Variants in TPST1 observed in about 807,000 individuals in gnomAD.
The protein encoded by TPST1 is protein-tyrosine sulfotransferase 1.
Under a neutral mutation model 34.8 loss-of-function variants are expected in TPST1, and 20 were observed. The observed-to-expected ratio is 0.57, with a 90% CI of 0.40 to 0.84. The LOEUF (loss-of-function observed/expected upper bound fraction) is 0.84. Among genes scored for constraint, TPST1 ranks in the 40% least tolerant of loss-of-function variants. TPST1 has a pLI of 0.00. For synonymous variants in TPST1, 152 were observed against 159.4 expected (o/e 0.95, Z 0.35); for missense variants, 353 against 455.5 (o/e 0.78, Z 2.05).
At chr7:66,318,710 C>T (rs555439239) in intron 3 of TPST1, among the ~76,000 whole-genome samples, 4 of 152,208 alleles carry the variant, frequency 2.6e-5, no homozygotes, top group Middle Eastern at 3.4e-3. Context: ...TGTGACTCGC[C>T]GCCTTGGCCT....
chr7:66,307,712 GGTCAGCCTTGACAGGTGGAAGCCTGT>G (rs1351379001), intron 3 of TPST1, among the ~76,000 whole-genome samples: 8 of 152,232 alleles, frequency 5.3e-5, no homozygotes, highest in African/African-American at 1.9e-4. Flanking sequence ...ATTGTTGCCA[GGTCAGCCTTGACAGGTGGAAGCCTGT>G]GTCACTGAGC....
At chr7:66,202,673 CAGAA>C (rs1789045229), upstream of TPST1, among the ~76,000 whole-genome samples, 1 of 152,152 alleles carries the variant, frequency 6.6e-6, no homozygotes, top group African/African-American at 2.4e-5. Flanking sequence ...ATGTAGAAAG[CAGAA>C]TGTAACTTGG....
At chr7:66,247,343 A>G (rs765142807) in intron 2 of TPST1, among the ~76,000 whole-genome samples, 1 of 152,106 alleles carries the variant, frequency 6.6e-6, no homozygotes, top group African/African-American at 2.4e-5. Flanking sequence ...CAGGAGAATC[A>G]CTTGAACCTG....
At chr7:66,331,416 A>G (rs893876791) in intron 3 of TPST1, among the ~76,000 whole-genome samples, 10 of 152,152 alleles carry the variant, frequency 6.6e-5, no homozygotes, top group Non-Finnish European at 1.5e-4. Context: ...GATTTTTCCT[A>G]TAACTTGTAA....
At chr7:66,203,489 T>C (rs1278090372), upstream of TPST1, among the ~76,000 whole-genome samples, 4 of 149,852 alleles carry the variant, frequency 2.7e-5, no homozygotes, top group Admixed American at 2.0e-4. Flanking sequence ...AAAACTTCTT[T>C]TTTTTTTTTT....
At chr7:66,308,850 C>T (rs999186575) in intron 3 of TPST1, among the ~76,000 whole-genome samples, 4 of 152,146 alleles carry the variant, frequency 2.6e-5, no homozygotes, top group Admixed American at 1.3e-4. Context: ...GTGAACAGAT[C>T]AGTCATACGT....
At chr7:66,227,983 A>G (rs1370007340) in intron 1 of TPST1, among the ~76,000 whole-genome samples, 1 of 152,232 alleles carries the variant, frequency 6.6e-6, no homozygotes, top group East Asian at 1.9e-4. Context: ...AAATGCTGGT[A>G]AATCCTTTCA....
chr7:66,284,174 T>A (rs1790985646), intron 2 of TPST1, among the ~76,000 whole-genome samples: 2 of 152,184 alleles, frequency 1.3e-5, no homozygotes, highest in Admixed American at 6.5e-5. Flanking sequence ...AAGAAATGAT[T>A]ATACTTTTTC....
chr7:66,223,458 C>CAAAAA (rs34400889), intron 1 of TPST1, among the ~76,000 whole-genome samples: 1 of 59,236 alleles, frequency 1.7e-5, no homozygotes, highest in Non-Finnish European at 3.1e-5. Context: ...GACCCTGTCT[C>CAAAAA]AAAAAAAAAA....
At chr7:66,199,474 T>C in the TPST1 span, among the ~76,000 whole-genome samples, 1 of 151,848 alleles carries the variant, frequency 6.6e-6, no homozygotes, top group Non-Finnish European at 1.5e-5. Flanking sequence ...TTTGTATTTT[T>C]AGTAGAGATG....
chr7:66,236,637 C>T (rs778115715), intron 1 of TPST1, among the ~76,000 whole-genome samples: 1 of 152,124 alleles, frequency 6.6e-6, no homozygotes, highest in Non-Finnish European at 1.5e-5. Context: ...GTATCTCAAC[C>T]ACCTTGGGCA....
chr7:66,352,692 G>T, intron 4 of TPST1, 137 bp downstream of exon 4: 1 of 1,495,278 alleles, frequency 6.7e-7, no homozygotes, highest in Non-Finnish European at 8.8e-7. Flanking sequence ...ATAGTGATAT[G>T]TGCTGGGGAA....
chr7:66,261,164 C>T (rs551710186), intron 2 of TPST1, among the ~76,000 whole-genome samples: 6 of 150,562 alleles, frequency 4.0e-5, no homozygotes, highest in East Asian at 1.9e-4. Flanking sequence ...CCCCATTTCT[C>T]GGGAAACAGT....
In TPST1 at chr7:66,332,874, G is replaced by C. The variant is rs1792024680; in HGVS notation, c.1045-19631G>C. Among the ~76,000 whole-genome samples, 1 of 152,100 alleles carries C rather than the reference G, an allele frequency of 6.6e-6. No individual in the cohort carries two copies. Among genetic ancestry groups the C allele is most frequent in the Admixed American group, 6.6e-5 (1 of 15,262 alleles). ...TTATATAAGGCACTTGAGCACCTGTGGATTTTGTTATTCACAGGGGATCCT... is the reference window on the plus strand; with the variant it reads ...TTATATAAGGCACTTGAGCACCTGTCGATTTTGTTATTCACAGGGGATCCT... On this transcript the variant is annotated intron_variant, in intron 3 of 5. Transcript: ENST00000304842. This position sits in a 1 kb window ranked among gnomAD's most constrained non-coding sequence, Gnocchi z 4.5.
At chr7:66,275,031 A>G (rs545313992) in intron 2 of TPST1, among the ~76,000 whole-genome samples, 17 of 151,984 alleles carry the variant, frequency 1.1e-4, no homozygotes, top group African/African-American at 3.9e-4. Context: ...CATCTCTACT[A>G]AAAATACAAA....
intron 3 of TPST1, among the ~76,000 whole-genome samples, chr7:66,329,298 T>TA (rs1791948947): frequency 6.6e-6 from 1 of 152,102 alleles, no homozygotes; most frequent in Non-Finnish European, 1.5e-5. Flanking sequence ...TCTTCCTGAT[T>TA]TTTTCCAATT....
intron 3 of TPST1, among the ~76,000 whole-genome samples, chr7:66,300,986 A>G (rs1791304358): frequency 2.0e-5 from 3 of 152,070 alleles, no homozygotes; most frequent in Admixed American, 2.0e-4. Context: ...GACAGTAGAA[A>G]TTACTCCTTG....
chr7:66,338,526 C>T (rs1289610192), intron 3 of TPST1, among the ~76,000 whole-genome samples: 1 of 152,152 alleles, frequency 6.6e-6, no homozygotes, highest in African/African-American at 2.4e-5. Context: ...GCAGAATACA[C>T]ATTTTTCTCA....
In TPST1 at chr7:66,347,738, A is replaced by G. The variant is rs553019771; in HGVS notation, c.1045-4767A>G. The stretch of plus-strand genomic sequence containing the variant: ...GAAGAATTTTATTTTATTCATAGCT[A>G]TTGTAAATGGGATTACTTTCTTGAC... On this transcript the variant is annotated intron_variant, in intron 3 of 5. Transcript: ENST00000304842. 9.1e-4 allele frequency among the ~76,000 whole-genome samples: 138 copies of G among 152,288 alleles called. 1 individual carries two copies. Among genetic ancestry groups the G allele is most frequent in the Non-Finnish European group, 1.1e-3 (72 of 68,022 alleles).
Sources: allele counts gnomAD v4.1 joint callset (sites outside exome capture counted in the v4.1 genomes callset), GRCh38; gene constraint gnomAD v4.1.1; non-coding constraint Gnocchi (gnomAD v3.1); transcripts MANE v1.5; gene names NCBI Gene and HGNC (gene_info 2026-07-23, HGNC 2026-07-21).